ITPKB: variants seen among roughly 807,000 people sequenced by gnomAD.
ITPKB encodes IP3 3-kinase B.
A neutral mutation model predicts 69.4 loss-of-function variants in ITPKB; 13 were observed. That is an observed-to-expected ratio of 0.19 (90% CI 0.12 to 0.30). The LOEUF (loss-of-function observed/expected upper bound fraction) is 0.30. Among genes scored for constraint, ITPKB ranks in the 10% least tolerant of loss-of-function variants. The pLI is 1.00. For synonymous variants in ITPKB, 584 were observed against 513.7 expected (o/e 1.14, Z -1.85); for missense variants, 1,240 against 1,250.5 (o/e 0.99, Z 0.13).
At position 226,647,338 on chromosome 1, in the gene ITPKB, T is replaced by C; in HGVS notation, c.2075A>G (p.His692Arg). 1 of 1,614,134 alleles carries C rather than the reference T, an allele frequency of 6.2e-7. No homozygotes were observed. The highest frequency in any genetic ancestry group is 8.5e-7 in the Non-Finnish European group (1 of 1,180,006). The change falls in exon 4 of 8, where the codon CAC (histidine) becomes CGC (arginine). Residue 692 changes from histidine to arginine, a missense_variant. Coordinates refer to ENST00000429204, the MANE Select transcript of ITPKB (RefSeq NM_002221.4). ...CAGGCAGCGCTGCTCTGACTCACAG[T>C]GCTTCTTCAGGATCCTGCCATTGGC... is the stretch of plus-strand genomic sequence containing the variant. ...AAANGRILKK[H>R]CESEQRCLDR...
At chr1:226,686,139 A>C (rs1656212172) in intron 2 of ITPKB, among the ~76,000 whole-genome samples, 1 of 152,126 alleles carries the variant, frequency 6.6e-6, no homozygotes. Context: ...AGGGAAAGCC[A>C]TGTGGGCCAG....
intron 2 of ITPKB, among the ~76,000 whole-genome samples, chr1:226,705,146 T>G (rs1010790452): frequency 2.0e-5 from 3 of 152,180 alleles, no homozygotes; most frequent in Admixed American, 2.0e-4. Flanking sequence ...TGTAAAACAT[T>G]TAGGTGCTAA....
chr1:226,721,526 G>A (rs1246647632), intron 2 of ITPKB, among the ~76,000 whole-genome samples: 1 of 151,406 alleles, frequency 6.6e-6, no homozygotes, highest in Non-Finnish European at 1.5e-5. Flanking sequence ...ACGGGGTTTC[G>A]CTCTTATTGC....
chr1:226,721,348 C>CAAAAAAAAAAAAAAAAAAAAGAAAA, intron 2 of ITPKB, among the ~76,000 whole-genome samples: 1 of 64,660 alleles, frequency 1.5e-5, no homozygotes, highest in Non-Finnish European at 3.1e-5. Flanking sequence ...AACTCTGTCT[C>CAAAAAAAAAAAAAAAAAAAAGAAAA]AAAAAAAAAA....
chr1:226,705,355 C>T (rs1035846823), intron 2 of ITPKB, among the ~76,000 whole-genome samples: 6 of 152,072 alleles, frequency 3.9e-5, no homozygotes, highest in African/African-American at 1.5e-4. Flanking sequence ...CATGGAGAAA[C>T]CTCATCTCTG....
At chr1:226,695,365 C>A (rs1656453439) in intron 2 of ITPKB, among the ~76,000 whole-genome samples, 1 of 152,120 alleles carries the variant, frequency 6.6e-6, no homozygotes, top group African/African-American at 2.4e-5. Flanking sequence ...ACTGAAGGTC[C>A]ATATTTTGGT....
chr1:226,651,246 G>A (rs752188122), intron 2 of ITPKB, among the ~76,000 whole-genome samples: 1 of 152,256 alleles, frequency 6.6e-6, no homozygotes, highest in Non-Finnish European at 1.5e-5. Flanking sequence ...GCTGCAGACA[G>A]AGGGAGATAG....
chr1:226,728,198 C>G (rs1415280713), intron 2 of ITPKB, among the ~76,000 whole-genome samples: 1 of 152,106 alleles, frequency 6.6e-6, no homozygotes, highest in Non-Finnish European at 1.5e-5. Context: ...ATAAAACTTA[C>G]CAGCTGATGT....
intron 7 of ITPKB, among the ~76,000 whole-genome samples, chr1:226,636,828 T>G: frequency 6.6e-6 from 1 of 150,390 alleles, no homozygotes; most frequent in African/African-American, 2.4e-5. Context: ...TGTGTATGAG[T>G]GGGTGTGCAC....
intron 2 of ITPKB, among the ~76,000 whole-genome samples, chr1:226,713,007 A>G (rs1280719048): frequency 6.6e-6 from 1 of 152,090 alleles, no homozygotes; most frequent in East Asian, 1.9e-4. Context: ...ACACCCATAC[A>G]TGCATGCATG....
chr1:226,737,905 A>T (rs1475065112), intron 1 of ITPKB, among the ~76,000 whole-genome samples: 1 of 152,036 alleles, frequency 6.6e-6, no homozygotes, highest in African/African-American at 2.4e-5. Flanking sequence ...GATGCGCTTT[A>T]TGAGGTCCCT....
At chr1:226,643,613 T>C (rs1669006787) in intron 4 of ITPKB, among the ~76,000 whole-genome samples, 1 of 152,194 alleles carries the variant, frequency 6.6e-6, no homozygotes. Context: ...TACAGCCTCT[T>C]AAAAATGACA....
chr1:226,729,763 G>C (rs1472040118), intron 2 of ITPKB, among the ~76,000 whole-genome samples: 1 of 151,738 alleles, frequency 6.6e-6, no homozygotes, highest in Non-Finnish European at 1.5e-5. Flanking sequence ...ATTTTTAGTA[G>C]ATTTAGTATT....
intron 2 of ITPKB, among the ~76,000 whole-genome samples, chr1:226,721,889 T>C (rs541639237): frequency 2.4e-4 from 34 of 143,690 alleles, no homozygotes; most frequent in Non-Finnish European, 4.6e-4. Context: ...TCTGGGCTCA[T>C]TGCAACTCCC....
chr1:226,660,043 CA>C (rs1450110893), intron 2 of ITPKB, among the ~76,000 whole-genome samples: 1 of 152,218 alleles, frequency 6.6e-6, no homozygotes, highest in East Asian at 1.9e-4. Context: ...CAAGAGGGGG[CA>C]TATTTGTGGG....
chr1:226,737,655 A>C lies in ITPKB; in HGVS notation c.-197T>G. 43 of 1,024,720 alleles carry C rather than the reference A, an allele frequency of 4.2e-5. No homozygotes were observed. The highest frequency in any genetic ancestry group is 4.7e-5 in the South Asian group (1 of 21,064). 63.5% of individuals were successfully genotyped at this position (1,024,720 alleles called of 1,614,324 possible). ...GCCCCCGCCCAAAGCTCCATAAACA[A>C]CCGTGCGGCTGTGGAGATACAAGGA... On this transcript the variant is annotated 5_prime_UTR_variant, in exon 2 of 8. Coordinates refer to ENST00000429204, the MANE Select transcript of ITPKB (RefSeq NM_002221.4).
intron 2 of ITPKB, among the ~76,000 whole-genome samples, chr1:226,729,010 C>T (rs115278707): frequency 0.025 from 3,776 of 152,276 alleles, 154 homozygotes; most frequent in African/African-American, 0.084. Context: ...TTCATTCACC[C>T]ATTCCTTTAA....
At chr1:226,680,721 G>A (rs1235997982) in intron 2 of ITPKB, among the ~76,000 whole-genome samples, 1 of 152,266 alleles carries the variant, frequency 6.6e-6, no homozygotes, top group East Asian at 1.9e-4. Context: ...TCAGATCGAG[G>A]GAACTAAACC....
chr1:226,653,161 A>T (rs535627706), intron 2 of ITPKB, among the ~76,000 whole-genome samples: 31 of 152,200 alleles, frequency 2.0e-4, no homozygotes, highest in African/African-American at 7.0e-4. Flanking sequence ...TCTCCATTTT[A>T]CAGATGAAAG....
Sources: gnomAD v4.1 joint callset for allele counts (sites outside exome capture counted in the v4.1 genomes callset) on GRCh38, gnomAD v4.1.1 for gene constraint, MANE v1.5 for transcripts, NCBI Gene and HGNC (gene_info 2026-07-23, HGNC 2026-07-21) for gene names.